PEAK1: variants seen among roughly 807,000 people sequenced by gnomAD.
PEAK1 encodes the protein inactive tyrosine-protein kinase PEAK1.
Under a neutral mutation model 124.7 loss-of-function variants are expected in PEAK1, and 54 were observed. The observed-to-expected ratio is 0.43, with a 90% CI of 0.35 to 0.54. PEAK1 has a LOEUF of 0.54. Among genes scored for constraint, PEAK1 ranks in the 20% least tolerant of loss-of-function variants. PEAK1 has a pLI of 0.01. For synonymous variants in PEAK1, 719 were observed against 760.0 expected (o/e 0.95, Z 0.89); for missense variants, 2,046 against 2,134.5 (o/e 0.96, Z 0.82).
At chr15:77,401,035 G>T (rs145536097) in intron 1 of PEAK1, among the ~76,000 whole-genome samples, 2 of 151,904 alleles carry the variant, frequency 1.3e-5, no homozygotes, top group Non-Finnish European at 2.9e-5. Context: ...AAAACATTTA[G>T]AGCCAACAAA....
chr15:77,351,980 G>A (rs985828420), intron 2 of PEAK1: 6 of 980,446 alleles, frequency 6.1e-6, no homozygotes, highest in Admixed American at 1.2e-4. Context: ...CAGCAATTTG[G>A]GAGGCCAAGG....
intron 6 of PEAK1, among the ~76,000 whole-genome samples, chr15:77,209,972 G>A (rs2058829378): frequency 6.6e-6 from 1 of 152,186 alleles, no homozygotes; most frequent in African/African-American, 2.4e-5. Flanking sequence ...AACACACTGA[G>A]TTTGGTCTCA....
At chr15:77,227,552 C>T (rs1403621837) in intron 6 of PEAK1, among the ~76,000 whole-genome samples, 1 of 152,114 alleles carries the variant, frequency 6.6e-6, no homozygotes, top group East Asian at 1.9e-4. Context: ...GAGTTCTGGG[C>T]TTAATCTTCA....
chr15:77,331,481 T>C (rs1317332520), intron 2 of PEAK1, among the ~76,000 whole-genome samples: 1 of 152,220 alleles, frequency 6.6e-6, no homozygotes, highest in Non-Finnish European at 1.5e-5. Context: ...GTATCATAAA[T>C]ATCCTTGTAT....
chr15:77,364,903 G>C (rs1360998351), intron 2 of PEAK1, among the ~76,000 whole-genome samples: 2 of 152,068 alleles, frequency 1.3e-5, no homozygotes, highest in Non-Finnish European at 2.9e-5. Flanking sequence ...GAGAACAGTA[G>C]TATGAATTTC....
chr15:77,321,414 T>C (rs2065208291), intron 2 of PEAK1, among the ~76,000 whole-genome samples: 1 of 152,264 alleles, frequency 6.6e-6, no homozygotes, highest in Non-Finnish European at 1.5e-5. Flanking sequence ...TGGCCAGTGA[T>C]GATGGGCATT....
intron 2 of PEAK1, among the ~76,000 whole-genome samples, chr15:77,356,794 T>C (rs2141505529): frequency 6.6e-6 from 1 of 152,376 alleles, no homozygotes; most frequent in Admixed American, 6.5e-5. Flanking sequence ...TTTGTATTTT[T>C]TAAAAGATGG....
At position 77,298,197 on chromosome 15, in the gene PEAK1, A is replaced by ATT. The variant is rs749000554; in HGVS notation, c.-602-11695_-602-11694dup. On this transcript the variant is annotated intron_variant, in intron 2 of 9. Transcript: ENST00000682557. ...TAGCTTCTTTTGTTTGGTATCCTTAATTTTTTTTTTTTTTTTTTTTTTTTT... is the reference window on the plus strand; with the variant it reads ...TAGCTTCTTTTGTTTGGTATCCTTAATTTTTTTTTTTTTTTTTTTTTTTTTTT... Among the ~76,000 whole-genome samples, 6 of 37,822 alleles carry ATT rather than the reference A, an allele frequency of 1.6e-4. 1 individual carries two copies. The highest frequency in any genetic ancestry group is 5.4e-4 in the African/African-American group (4 of 7,414). The allele number at this position is 37,822 out of a possible 152,430, so 24.8% of individuals were successfully genotyped here.
chr15:77,164,965 G>C (rs1336437509), intron 7 of PEAK1, among the ~76,000 whole-genome samples: 1 of 151,550 alleles, frequency 6.6e-6, no homozygotes, highest in African/African-American at 2.4e-5. Flanking sequence ...GTGCAATGGC[G>C]TAATTTCTGC....
intron 6 of PEAK1, among the ~76,000 whole-genome samples, chr15:77,235,433 GC>G (rs970178741): frequency 1.3e-5 from 2 of 152,170 alleles, no homozygotes; most frequent in Non-Finnish European, 2.9e-5. Flanking sequence ...CTTGGGAACT[GC>G]AGCAAAGGTG....
At chr15:77,364,549 C>A (rs1223181789) in intron 2 of PEAK1, among the ~76,000 whole-genome samples, 2 of 152,122 alleles carry the variant, frequency 1.3e-5, no homozygotes, top group Non-Finnish European at 2.9e-5. Flanking sequence ...GAGAGACTTA[C>A]AACGATGTAT....
At chr15:77,261,770 T>C (rs2061455175) in intron 5 of PEAK1, among the ~76,000 whole-genome samples, 1 of 152,076 alleles carries the variant, frequency 6.6e-6, no homozygotes, top group Non-Finnish European at 1.5e-5. Context: ...GTCATAAAGA[T>C]ACTCCTCCAG....
intron 2 of PEAK1, among the ~76,000 whole-genome samples, chr15:77,315,680 T>C (rs1305236192): frequency 1.3e-5 from 2 of 151,540 alleles, no homozygotes; most frequent in Non-Finnish European, 2.9e-5. Flanking sequence ...ATATTATATA[T>C]GTACAGGAAA....
At chr15:77,151,009 A>G (rs949920124) in intron 8 of PEAK1, among the ~76,000 whole-genome samples, 42 of 152,220 alleles carry the variant, frequency 2.8e-4, no homozygotes, top group African/African-American at 9.1e-4. Flanking sequence ...ATGATTTATA[A>G]TCCTTTGGGT....
chr15:77,179,482 G>A lies in PEAK1; in HGVS notation c.2445C>T (p.Val815=), dbSNP rs781172954. The A allele has an allele frequency of 7.4e-6, 12 of 1,613,966 alleles. No individual in the cohort carries two copies. In the African/African-American group the frequency reaches 1.1e-4, roughly 14 times the overall value. Residue 815 remains valine (V), a synonymous_variant, in exon 7 of 10, where the codon GTC becomes GTT. Transcript: ENST00000682557. The part of the protein sequence containing the change: ...VAKSTPKSTP[V]RPKSLFTSQP... ...GAGATGTAAAGAGAGATTTGGGCCG[G>A]ACTGGCGTACTCTTAGGTGTGCTCT...
At chr15:77,339,422 G>A (rs2141313842) in intron 2 of PEAK1, among the ~76,000 whole-genome samples, 1 of 152,152 alleles carries the variant, frequency 6.6e-6, no homozygotes, top group East Asian at 1.9e-4. Flanking sequence ...CATTATATTA[G>A]TGTTTATATC....
chr15:77,193,784 A>T (rs2057967457), intron 6 of PEAK1, among the ~76,000 whole-genome samples: 2 of 151,830 alleles, frequency 1.3e-5, no homozygotes, highest in Admixed American at 1.3e-4. Flanking sequence ...AGCCTGGGTG[A>T]CAGAGTGAGA....
At chr15:77,148,753 CA>C (rs947968722) in intron 8 of PEAK1, among the ~76,000 whole-genome samples, 67 of 135,240 alleles carry the variant, frequency 5.0e-4, no homozygotes, top group African/African-American at 7.4e-4. Flanking sequence ...TCTATCTCTA[CA>C]AAAAAAAAAA....
At chr15:77,269,535 T>A (rs1036314646) in intron 5 of PEAK1, among the ~76,000 whole-genome samples, 1 of 152,084 alleles carries the variant, frequency 6.6e-6, no homozygotes, top group African/African-American at 2.4e-5. Context: ...CTACTAGACC[T>A]AAGAAATTAG....
Sources: allele counts gnomAD v4.1 joint callset (sites outside exome capture counted in the v4.1 genomes callset), GRCh38; gene constraint gnomAD v4.1.1; transcripts MANE v1.5; gene names NCBI Gene and HGNC (gene_info 2026-07-23, HGNC 2026-07-21).